The following GHR variants were observed in gnomAD, a reference collection of about 807,000 sequenced individuals.
The protein encoded by GHR is growth hormone receptor, also known as GH receptor.
GHR carries 35 observed loss-of-function variants against 67.1 expected under a neutral mutation model. That is an observed-to-expected ratio of 0.52 (90% confidence interval 0.40 to 0.69). GHR has a LOEUF of 0.69. Ranked by LOEUF, GHR falls within the 30% of genes least tolerant of loss-of-function variation. The probability of loss-of-function intolerance (pLI) is 0.00; values close to 1 mark genes in which losing one functional copy is unlikely to be tolerated. For synonymous variants in GHR, 272 were observed against 269.1 expected, an observed-to-expected ratio of 1.01 and a Z score of -0.10; for missense variants, 792 against 764.6, an observed-to-expected ratio of 1.04 and a Z score of -0.42.
At chr5:42,524,062 C>T (rs1289282930) in intron 1 of GHR, among the ~76,000 whole-genome samples, 3 of 152,138 alleles carry the variant, frequency 2.0e-5, no homozygotes, top group African/African-American at 7.2e-5. Flanking sequence ...TGAAAACAAA[C>T]TAATACAGTA....
intron 1 of GHR, among the ~76,000 whole-genome samples, chr5:42,564,117 G>GAAATCTCACAAAGTGTGAGATTTATTTA: frequency 6.7e-6 from 1 of 150,336 alleles, no homozygotes; most frequent in Non-Finnish European, 1.5e-5. Flanking sequence ...AGATTTATTT[G>GAAATCTCACAAAGTGTGAGATTTATTTA]AAATCTCACA....
intron 3 of GHR, among the ~76,000 whole-genome samples, chr5:42,639,202 T>A (rs933528201): frequency 6.6e-6 from 1 of 152,244 alleles, no homozygotes; most frequent in Non-Finnish European, 1.5e-5. Context: ...CAATGCACCA[T>A]ACAGCTCCAG....
intron 1 of GHR, among the ~76,000 whole-genome samples, chr5:42,562,800 G>C (rs185328339): frequency 1.3e-5 from 2 of 151,712 alleles, no homozygotes; most frequent in African/African-American, 2.4e-5. Flanking sequence ...ACAGGCATGC[G>C]CTGCCATGCC....
Position 42,683,021 on chromosome 5 carries a change from G to T in GHR, c.137-5869G>T, listed in dbSNP as rs1256639133. On this transcript the variant is annotated intron_variant, in intron 3 of 9. Transcript: ENST00000230882. Reference sequence around the variant, plus strand: ...TTTTTATTTTTATATATTTTTTTTTGAGATGGAGTCTTGCTCCATCACCAG... The same window carrying T: ...TTTTTATTTTTATATATTTTTTTTTTAGATGGAGTCTTGCTCCATCACCAG... Among the ~76,000 whole-genome samples the T allele has an allele frequency of 2.7e-5, 4 of 150,370 alleles. No individual in the cohort carries two copies. The East Asian group carries it at 5.9e-4, about 22-fold the overall frequency.
chr5:42,562,595 G>T, intron 1 of GHR, among the ~76,000 whole-genome samples: 1 of 150,352 alleles, frequency 6.7e-6, no homozygotes, highest in South Asian at 2.1e-4. Flanking sequence ...TTTTGATAGA[G>T]CACATTCTAT....
In GHR at chr5:42,654,919, G is replaced by A. The variant is rs141625628; in HGVS notation, c.136+25816G>A. Among the ~76,000 whole-genome samples, 14 of 152,132 alleles carry A rather than the reference G, an allele frequency of 9.2e-5. No individual in the cohort carries two copies. In the East Asian group the frequency reaches 1.7e-3, roughly 19 times the overall value. ...TTGGCAAGGCTCTATAAGAAAAAGC[G>A]AGCCAACATGTAAGTAAATTATCAT... On this transcript the variant is annotated intron_variant, in intron 3 of 9. Coordinates refer to ENST00000230882, the MANE Select transcript of GHR (RefSeq NM_000163.5).
intron 2 of GHR, among the ~76,000 whole-genome samples, chr5:42,586,860 C>T (rs1040206693): frequency 1.3e-5 from 2 of 152,014 alleles, no homozygotes; most frequent in African/African-American, 2.4e-5. Flanking sequence ...AGCCTGAGCA[C>T]GTGGCACTGG....
intron 1 of GHR, among the ~76,000 whole-genome samples, chr5:42,463,026 T>A (rs1744553852): frequency 6.6e-6 from 1 of 151,814 alleles, no homozygotes; most frequent in Non-Finnish European, 1.5e-5. Context: ...AATAAGGAGG[T>A]AGATTTATTA....
rs191203973 is a variant in GHR at position 42,620,432 on chromosome 5, C to T, written c.71-8606C>T. 1.7e-3 allele frequency among the ~76,000 whole-genome samples: 261 copies of T among 152,176 alleles called. 1 individual carries two copies. The highest frequency in any genetic ancestry group is 6.1e-3 in the African/African-American group (252 of 41,510). ...ATGATCCTTACCTTCAGACTTCAAGCTTATTATTCATTGGGCAGTTAGATA... is the reference window on the plus strand; with the variant it reads ...ATGATCCTTACCTTCAGACTTCAAGTTTATTATTCATTGGGCAGTTAGATA... On this transcript the variant is annotated intron_variant, in intron 2 of 9. Coordinates refer to ENST00000230882, the MANE Select transcript of GHR (RefSeq NM_000163.5).
intron 2 of GHR, among the ~76,000 whole-genome samples, chr5:42,570,738 G>A (rs1324865125): frequency 6.6e-6 from 1 of 152,104 alleles, no homozygotes; most frequent in African/African-American, 2.4e-5. Flanking sequence ...ACAGTCTTTA[G>A]AAGAGAAAAC....
At chr5:42,686,230 T>G (rs1243419351) in intron 3 of GHR, among the ~76,000 whole-genome samples, 7 of 152,166 alleles carry the variant, frequency 4.6e-5, no homozygotes, top group Non-Finnish European at 2.9e-5. Flanking sequence ...TTTGTCAGGT[T>G]TGTCAAAGAT....
chr5:42,468,803 C>A, intron 1 of GHR: 2 of 1,055,176 alleles, frequency 1.9e-6, no homozygotes, highest in Admixed American at 2.2e-5. Context: ...GATTAGTTGT[C>A]AAATAACTGG....
intron 1 of GHR, chr5:42,467,312 C>T: frequency 9.1e-7 from 1 of 1,098,846 alleles, no homozygotes; most frequent in South Asian, 1.2e-5. Context: ...GGCTTCTCAC[C>T]AGTATGGCTT....
chr5:42,497,045 TG>T (rs1251505032), intron 1 of GHR, among the ~76,000 whole-genome samples: 3 of 152,182 alleles, frequency 2.0e-5, no homozygotes, highest in Non-Finnish European at 4.4e-5. Context: ...CCTTAAGTTC[TG>T]CTACAGCCCC....
At chr5:42,474,289 G>GAAAGAAAGAAAGAAAGGAAGAA (rs1422142604) in intron 1 of GHR, among the ~76,000 whole-genome samples, 1 of 24,006 alleles carries the variant, frequency 4.2e-5, no homozygotes, top group Admixed American at 3.9e-4. Flanking sequence ...GAAAGAAAAA[G>GAAAGAAAGAAAGAAAGGAAGAA]AGAAAGAGAA....
At chr5:42,700,787 G>C (rs1206546147) in intron 6 of GHR, among the ~76,000 whole-genome samples, 2 of 152,090 alleles carry the variant, frequency 1.3e-5, no homozygotes, top group Non-Finnish European at 2.9e-5. Context: ...GAGACACCAG[G>C]ACATTCAGTG....
chr5:42,571,002 A>G (rs1226346571), intron 2 of GHR, among the ~76,000 whole-genome samples: 1 of 152,244 alleles, frequency 6.6e-6, no homozygotes, highest in Non-Finnish European at 1.5e-5. Context: ...ACCAGTACTC[A>G]GAGTCTAATT....
chr5:42,443,976 T>TATAG (rs762873365), intron 1 of GHR, among the ~76,000 whole-genome samples: 15 of 151,752 alleles, frequency 9.9e-5, no homozygotes, highest in Non-Finnish European at 1.8e-4. Context: ...TAGATATAGA[T>TATAG]ATAGATATAG....
In GHR at chr5:42,423,556, C is replaced by A. The variant is rs1230056543; in HGVS notation, c.-411C>A. ...TCCGCAGCAGTTCTCGAACTGGCCTCCTTGAACGTCCGCTTCGCCTTCGCT... is the reference window on the plus strand; with the variant it reads ...TCCGCAGCAGTTCTCGAACTGGCCTACTTGAACGTCCGCTTCGCCTTCGCT... On this transcript the variant is annotated 5_prime_UTR_variant, in exon 1 of 10. Transcript: ENST00000230882. Among the ~76,000 whole-genome samples the A allele has an allele frequency of 6.6e-6, 1 of 152,080 alleles. No homozygotes were observed. Among genetic ancestry groups the A allele is most frequent in the African/African-American group, 2.4e-5 (1 of 41,422 alleles).
Sources: gnomAD v4.1 joint callset for allele counts (sites outside exome capture counted in the v4.1 genomes callset) on GRCh38, gnomAD v4.1.1 for gene constraint, MANE v1.5 for transcripts, NCBI Gene and HGNC (gene_info 2026-07-23, HGNC 2026-07-21) for gene names.